The following ZNF251 variants were observed in gnomAD, a reference collection of about 807,000 sequenced individuals.
ZNF251 encodes zinc finger protein 251.
ZNF251 carries 14 observed loss-of-function variants against 13.5 expected under a neutral mutation model. That is an observed-to-expected ratio of 1.04 (90% CI 0.69 to 1.63). ZNF251 has a LOEUF of 1.63. Ranked by LOEUF, ZNF251 falls within the 40% of genes most tolerant of loss-of-function variation. ZNF251 has a pLI of 0.00. For missense variants in ZNF251, 764 were observed against 834.9 expected (o/e 0.92, Z 1.05); for synonymous variants, 287 against 295.2 (o/e 0.97, Z 0.28).
chr8:144,724,617 A>C (rs1307903732), intron 4 of ZNF251, among the ~76,000 whole-genome samples: 1 of 152,262 alleles, frequency 6.6e-6, no homozygotes, highest in Non-Finnish European at 1.5e-5. Context: ...ATGTACGTTG[A>C]AATGACTACA....
intron 4 of ZNF251, among the ~76,000 whole-genome samples, chr8:144,746,765 TC>T (rs1347713358): frequency 1.3e-5 from 2 of 149,940 alleles, no homozygotes; most frequent in East Asian, 4.6e-4. Flanking sequence ...GAGTTGTTCA[TC>T]TTTTTTTTTT....
chr8:144,752,820 A>G (rs576218703), intron 4 of ZNF251, among the ~76,000 whole-genome samples: 1 of 152,336 alleles, frequency 6.6e-6, no homozygotes, highest in South Asian at 2.1e-4. Flanking sequence ...CTGACAGTGT[A>G]GAAACAATAT....
intron 4 of ZNF251, among the ~76,000 whole-genome samples, chr8:144,729,629 C>T (rs1348177991): frequency 1.3e-5 from 2 of 152,156 alleles, no homozygotes; most frequent in South Asian, 4.1e-4. Flanking sequence ...AGCTACCGCA[C>T]CCGGCCTAAG....
intron 4 of ZNF251, among the ~76,000 whole-genome samples, chr8:144,727,749 CCTT>C (rs1245238217): frequency 1.3e-5 from 2 of 152,194 alleles, no homozygotes; most frequent in African/African-American, 4.8e-5. Flanking sequence ...GGCTGCTGTA[CCTT>C]CTTGTCATTC....
rs559994735 is a variant in ZNF251, at chr8:144,750,915, T to C, written c.277+2768A>G. On this transcript the variant is annotated intron_variant, in intron 4 of 4. Coordinates refer to ENST00000292562, the MANE Select transcript of ZNF251 (RefSeq NM_138367.2). ...CTCAGGCTGGAGTGCAGTAGTGCAA[T>C]CTTGGCTCACTGCAACCTTTACCTC... Among the ~76,000 whole-genome samples, 7 of 148,536 alleles carry C rather than the reference T, an allele frequency of 4.7e-5. No homozygotes were observed. The South Asian group carries it at 1.6e-3, about 35-fold the overall frequency.
intron 4 of ZNF251, among the ~76,000 whole-genome samples, chr8:144,742,114 A>G (rs1824190256): frequency 6.6e-6 from 1 of 152,070 alleles, no homozygotes. Flanking sequence ...CCCACGACAC[A>G]CCACGAGCCA....
rs61744587 is a variant in ZNF251 at position 144,721,783 on chromosome 8, A to G, written c.1877T>C (p.Val626Ala). ...HTGQKPCHCS[V>A]YGKAFSQSSQ... Reference sequence around the variant, plus strand: ...ACTCTGGCTGAAGGCTTTCCCATACACACTGCAATGACATGGTTTCTGACC... The same window carrying G: ...ACTCTGGCTGAAGGCTTTCCCATACGCACTGCAATGACATGGTTTCTGACC... The change falls in exon 5 of 5, where the codon GTG becomes GCG. Residue 626 changes from valine (V) to alanine (A), a missense_variant. By Grantham distance (64) the Val-to-Ala change is moderately conservative (BLOSUM62 0). Transcript: ENST00000292562. The G allele has an allele frequency of 8.7e-4, 1,270 of 1,461,432 alleles. 11 individuals are homozygous for G. The African/African-American group carries it at 0.017, about 19-fold the overall frequency. 90.5% of individuals were successfully genotyped at this position (1,461,432 alleles called of 1,614,324 possible).
chr8:144,732,405 C>T (rs183243719), intron 4 of ZNF251, among the ~76,000 whole-genome samples: 1 of 152,276 alleles, frequency 6.6e-6, no homozygotes, highest in African/African-American at 2.4e-5. Context: ...TGATGTATGT[C>T]TGAAATCTTC....
rs778050388 is a variant in ZNF251, at chr8:144,722,598, AC to A, written c.1061del (p.Cys354LeufsTer71). 2 of 1,614,184 alleles carry A rather than the reference AC, an allele frequency of 1.2e-6. No individual in the cohort carries two copies. The highest frequency in any genetic ancestry group is 2.2e-5 in the South Asian group (2 of 91,080). On this transcript the variant is annotated frameshift_variant, in exon 5 of 5. Transcript: ENST00000292562. LOFTEE classifies it low-confidence loss of function (END_TRUNC). This position sits in a 1 kb window ranked among gnomAD's most constrained non-coding sequence, Gnocchi z 4.8. ...TGEKPHECSH[C>X]GKAFSRSSSL... ...TGGAGCTTCGACTGAAGGCCTTCCCACAGTGACTGCATTCATGCGGCTTCTC... is the reference window on the plus strand; with the variant it reads ...TGGAGCTTCGACTGAAGGCCTTCCCAAGTGACTGCATTCATGCGGCTTCTC...
At chr8:144,730,163 T>C (rs1823652018) in intron 4 of ZNF251, 1 of 967,834 alleles carries the variant, frequency 1.0e-6, no homozygotes. Flanking sequence ...TGGAGAGCCA[T>C]GTTTTATCCA....
chr8:144,721,615 T>C lies in ZNF251; in HGVS notation c.*29A>G, dbSNP rs368859635. 2.3e-5 allele frequency: 31 copies of C among 1,323,168 alleles called. No homozygotes were observed. Among genetic ancestry groups the C allele is most frequent in the African/African-American group, 3.0e-5 (2 of 66,880 alleles). The allele number at this position is 1,323,168 out of a possible 1,614,324, so 82.0% of individuals were successfully genotyped here. A position where few individuals can be genotyped will look rare whatever the true frequency, so the allele number is the denominator to read the frequency against. ...TTATCTTCTAATGTCAAGTGAACAGTTGCTAAACTGTCTTCTGCATTTATC... is the reference window on the plus strand; with the variant it reads ...TTATCTTCTAATGTCAAGTGAACAGCTGCTAAACTGTCTTCTGCATTTATC... On this transcript the variant is annotated 3_prime_UTR_variant, in exon 5 of 5. Transcript: ENST00000292562.
chr8:144,734,003 G>A lies in ZNF251; in HGVS notation c.278-10621C>T, dbSNP rs1198983312. On this transcript the variant is annotated intron_variant, in intron 4 of 4. Coordinates refer to ENST00000292562, the MANE Select transcript of ZNF251 (RefSeq NM_138367.2). This position sits in a 1 kb window ranked among gnomAD's most constrained non-coding sequence, Gnocchi z 4.4. Reference sequence around the variant, plus strand: ...TGCCGCTAGGTCTGTTCCGCAGCCGGCAGAATCTTAGGCTGCACGTGCCAG... The same window carrying A: ...TGCCGCTAGGTCTGTTCCGCAGCCGACAGAATCTTAGGCTGCACGTGCCAG... Among the ~76,000 whole-genome samples, 2 of 152,212 alleles carry A rather than the reference G, an allele frequency of 1.3e-5. No homozygotes were observed. Among genetic ancestry groups the A allele is most frequent in the African/African-American group, 4.8e-5 (2 of 41,450 alleles).
chr8:144,742,177 A>G (rs1240715319), intron 4 of ZNF251, among the ~76,000 whole-genome samples: 1 of 152,104 alleles, frequency 6.6e-6, no homozygotes, highest in African/African-American at 2.4e-5. Flanking sequence ...GCCAGAAAAG[A>G]GTAAAATAGC....
chr8:144,747,426 C>G (rs1368910694), intron 4 of ZNF251, among the ~76,000 whole-genome samples: 4 of 152,226 alleles, frequency 2.6e-5, no homozygotes, highest in Non-Finnish European at 4.4e-5. Context: ...GTGCATTCTG[C>G]TATCGTTGGA....
chr8:144,737,750 T>G (rs924590629), intron 4 of ZNF251, among the ~76,000 whole-genome samples: 11 of 138,814 alleles, frequency 7.9e-5, no homozygotes, highest in Non-Finnish European at 1.4e-4. Context: ...GAGAATGGCG[T>G]GAACCCGGGA....
At chr8:144,739,374 C>T (rs1439891011) in intron 4 of ZNF251, among the ~76,000 whole-genome samples, 1 of 151,328 alleles carries the variant, frequency 6.6e-6, no homozygotes, top group African/African-American at 2.4e-5. Context: ...GACTCCACTC[C>T]CCCGCCTAAA....
intron 4 of ZNF251, among the ~76,000 whole-genome samples, chr8:144,747,008 A>G (rs1229872356): frequency 6.6e-6 from 1 of 151,874 alleles, no homozygotes; most frequent in Admixed American, 6.6e-5. Flanking sequence ...CTTACTTTGT[A>G]TTTAATTTGC....
Position 144,739,511 on chromosome 8 carries a change from G to A in ZNF251, c.277+14172C>T, listed in dbSNP as rs1007968399. On this transcript the variant is annotated intron_variant, in intron 4 of 4. Coordinates refer to ENST00000292562, the MANE Select transcript of ZNF251 (RefSeq NM_138367.2). ...CTTTCTACAAAATATAGAGCCCAGG[G>A]ATGCCAGGAACCTTATTTTGCTGAA... Among the ~76,000 whole-genome samples the A allele has an allele frequency of 1.5e-4, 23 of 152,228 alleles. 1 individual carries two copies. The highest frequency in any genetic ancestry group is 1.3e-3 in the Admixed American group (20 of 15,284).
intron 4 of ZNF251, among the ~76,000 whole-genome samples, chr8:144,723,675 GA>G (rs1044206758): frequency 3.9e-5 from 6 of 152,152 alleles, no homozygotes; most frequent in African/African-American, 1.4e-4. Context: ...TCTAGGTAAG[GA>G]ATATACAGGA....
Sources: allele counts gnomAD v4.1 joint callset (sites outside exome capture counted in the v4.1 genomes callset), GRCh38; gene constraint gnomAD v4.1.1; non-coding constraint Gnocchi (gnomAD v3.1); transcripts MANE v1.5; gene names NCBI Gene and HGNC (gene_info 2026-07-23, HGNC 2026-07-21).